The following LAMA4 variants were observed in gnomAD, a reference collection of about 807,000 sequenced individuals.
LAMA4 encodes laminin subunit alpha-4.
LAMA4 carries 127 observed loss-of-function variants against 207.1 expected under a neutral mutation model. That is an observed-to-expected ratio of 0.61 (90% CI 0.53 to 0.71). The LOEUF (loss-of-function observed/expected upper bound fraction) is 0.71, where lower values mean the gene tolerates loss of function less well. LAMA4 is among the 30% of genes least tolerant of loss of function. LAMA4 has a pLI of 0.00. For synonymous variants in LAMA4, 761 were observed against 816.0 expected, an observed-to-expected ratio of 0.93 and a Z score of 1.15; for missense variants, 2,093 against 2,246.5, an observed-to-expected ratio of 0.93 and a Z score of 1.38.
intron 5 of LAMA4, chr6:112,196,597 T>C (rs1554350558): frequency 6.6e-6 from 1 of 152,198 alleles, no homozygotes; most frequent in African/African-American, 2.4e-5. Context: ...GGATGAGAAT[T>C]GCAAAACTCT....
chr6:112,160,156 G>T (rs1780964848), intron 13 of LAMA4, among the ~76,000 whole-genome samples: 1 of 152,048 alleles, frequency 6.6e-6, no homozygotes, highest in African/African-American at 2.4e-5. Context: ...TTGGGTTCTG[G>T]AAAGGGTCAC....
At chr6:112,160,672 T>C (rs1554338173) in intron 13 of LAMA4, among the ~76,000 whole-genome samples, 1 of 152,180 alleles carries the variant, frequency 6.6e-6, no homozygotes. Flanking sequence ...ACTCTTTTCT[T>C]TTCCTAGCTT....
chr6:112,115,252 C>A (rs1436017714), intron 36 of LAMA4, among the ~76,000 whole-genome samples: 1 of 152,110 alleles, frequency 6.6e-6, no homozygotes, highest in African/African-American at 2.4e-5. Context: ...AGTAGGGATA[C>A]ATTTTATTGT....
At chr6:112,124,147 G>C (rs376403419) in intron 31 of LAMA4, among the ~76,000 whole-genome samples, 3 of 152,350 alleles carry the variant, frequency 2.0e-5, no homozygotes, top group East Asian at 3.9e-4. Flanking sequence ...CACAGGGCCT[G>C]TAGTGAGGGT....
chr6:112,133,309 A>G (rs372732387), intron 27 of LAMA4, 40 bp downstream of exon 27: 30 of 1,606,120 alleles, frequency 1.9e-5, no homozygotes, highest in Non-Finnish European at 2.6e-5. Context: ...AGTGATAAGT[A>G]TTGTGTCTAT....
At chr6:112,172,356 A>G in intron 12 of LAMA4, 1 of 465,270 alleles carries the variant, frequency 2.1e-6, no homozygotes, top group Non-Finnish European at 3.9e-6. Flanking sequence ...AGAATAACAG[A>G]CCCATACACA....
intron 6 of LAMA4, among the ~76,000 whole-genome samples, chr6:112,190,937 TTC>T (rs1491296560): frequency 4.2e-5 from 3 of 71,814 alleles, no homozygotes; most frequent in Admixed American, 3.1e-4. Flanking sequence ...CTTTCTTTCT[TTC>T]TTTCTTTCCT....
intron 31 of LAMA4, among the ~76,000 whole-genome samples, chr6:112,127,834 G>C (rs1778793209): frequency 6.6e-6 from 1 of 152,194 alleles, no homozygotes; most frequent in South Asian, 2.1e-4. Flanking sequence ...GATCATGAAA[G>C]AGGTGGGGAG....
At chr6:112,109,663 A>G in intron 38 of LAMA4, 81 bp from the exon 39 acceptor site, 4 of 1,324,386 alleles carry the variant, frequency 3.0e-6, no homozygotes, top group Admixed American at 3.5e-5. Flanking sequence ...AAAAGTATAC[A>G]TATTTGCTCA....
intron 18 of LAMA4, among the ~76,000 whole-genome samples, chr6:112,145,820 C>A (rs1554334403): frequency 6.6e-6 from 1 of 152,100 alleles, no homozygotes; most frequent in African/African-American, 2.4e-5. Context: ...AGGGCAGGGA[C>A]CACGGTATAT....
chr6:112,216,356 G>A lies in LAMA4; in HGVS notation c.297+12C>T. The A allele has an allele frequency of 6.4e-7, 1 of 1,560,230 alleles. No individual in the cohort carries two copies. Among genetic ancestry groups the A allele is most frequent in the Non-Finnish European group, 8.8e-7 (1 of 1,130,926 alleles). On this transcript the variant is annotated intron_variant, in intron 3 of 38. Coordinates refer to ENST00000230538, the MANE Select transcript of LAMA4 (RefSeq NM_001105206.3). ...GTGAAGTACGTGAAGTGTTATAGGT[G>A]CCCCAACTTACCACACAGTATCCTG...
intron 31 of LAMA4, among the ~76,000 whole-genome samples, chr6:112,125,295 C>T (rs1387740693): frequency 6.6e-6 from 1 of 152,144 alleles, no homozygotes; most frequent in African/African-American, 2.4e-5. Flanking sequence ...TGTTCAATGG[C>T]CAGCTCAGGC....
intron 32 of LAMA4, among the ~76,000 whole-genome samples, chr6:112,121,571 G>T (rs916593627): frequency 2.0e-5 from 3 of 152,200 alleles, no homozygotes; most frequent in Non-Finnish European, 4.4e-5. Flanking sequence ...AGGCGATGGG[G>T]TTGGAGATAG....
chr6:112,155,408 C>T, intron 15 of LAMA4, 157 bp downstream of exon 15: 3 of 756,930 alleles, frequency 4.0e-6, no homozygotes, highest in East Asian at 5.3e-5. Flanking sequence ...AGACTGAAAC[C>T]TTCAAGGCAT....
rs35349917 is a variant in LAMA4, at chr6:112,216,385, C to T, written c.280G>A (p.Gly94Ser). Reference sequence around the variant, plus strand: ...CAACTTACCACACAGTATCCTGAGCCGTCCAAACACTCGTTGGAATTGCCA... The same window carrying T: ...CAACTTACCACACAGTATCCTGAGCTGTCCAAACACTCGTTGGAATTGCCA... ...CNGNSNECLD[G>S]SGYCVHCQRN... Residue 94 changes from glycine to serine, a missense_variant, in exon 3 of 39, where the codon GGC (glycine) becomes AGC (serine). Transcript: ENST00000230538. The T allele has an allele frequency of 3.1e-3, 5,069 of 1,612,474 alleles. 131 individuals are homozygous for T. The African/African-American group carries it at 0.057, about 18-fold the overall frequency.
chr6:112,121,830 T>A (rs1778378245), intron 32 of LAMA4, 184 bp downstream of exon 32: 1 of 592,988 alleles, frequency 1.7e-6, no homozygotes, highest in African/African-American at 1.9e-5. Context: ...AATTGGAAAG[T>A]CACAGAGAAT....
chr6:112,172,959 T>A (rs958344625), intron 11 of LAMA4, among the ~76,000 whole-genome samples, 155 bp from the exon 12 acceptor site: 23 of 152,162 alleles, frequency 1.5e-4, no homozygotes, highest in African/African-American at 5.6e-4. Flanking sequence ...ACCTTTTAGA[T>A]TTGAAGTAAA....
chr6:112,254,290 A>G lies in LAMA4; in HGVS notation c.-140T>C. ...ATCCCGAGGTGGCTGCGCAACCAGC[A>G]GCTTAGGAAATAAAGGGAAAGTGCG... is the stretch of plus-strand genomic sequence containing the variant. On this transcript the variant is annotated splice_region_variant and 5_prime_UTR_variant, in exon 2 of 39. Coordinates refer to ENST00000230538, the MANE Select transcript of LAMA4 (RefSeq NM_001105206.3). The G allele has an allele frequency of 2.0e-6, 2 of 1,014,672 alleles. No homozygotes were observed. Among genetic ancestry groups the G allele is most frequent in the Non-Finnish European group, 3.0e-6 (2 of 665,058 alleles). 62.9% of individuals were successfully genotyped at this position (1,014,672 alleles called of 1,614,324 possible).
chr6:112,150,412 A>G, intron 17 of LAMA4, 99 bp downstream of exon 17: 1 of 832,704 alleles, frequency 1.2e-6, no homozygotes, highest in Non-Finnish European at 2.1e-6. Flanking sequence ...TTATGTATAA[A>G]ATCATTGACA....
Sources: allele counts gnomAD v4.1 joint callset (sites outside exome capture counted in the v4.1 genomes callset), GRCh38; gene constraint gnomAD v4.1.1; transcripts MANE v1.5; gene names NCBI Gene and HGNC (gene_info 2026-07-23, HGNC 2026-07-21).